Variants in MYO1E observed in about 807,000 individuals in gnomAD.
MYO1E encodes the protein myosin IE.
In MYO1E, 68 loss-of-function variants were observed where a neutral mutation model predicts 151.1. The observed-to-expected ratio is 0.45, with a 90% CI of 0.37 to 0.55. The LOEUF is 0.55. Among genes scored for constraint, MYO1E ranks in the 20% least tolerant of loss-of-function variants. MYO1E has a pLI of 0.00. For missense variants in MYO1E, 1,363 were observed against 1,389.3 expected, an observed-to-expected ratio of 0.98 and a Z score of 0.30; for synonymous variants, 601 against 501.7, an observed-to-expected ratio of 1.20 and a Z score of -2.64.
chr15:59,362,102 G>A (rs1487817445), intron 1 of MYO1E, among the ~76,000 whole-genome samples: 1 of 152,058 alleles, frequency 6.6e-6, no homozygotes, highest in African/African-American at 2.4e-5. Context: ...CTTCCAAAGT[G>A]CTAGGATTAC....
At chr15:59,234,140 T>A (rs1233075013) in intron 5 of MYO1E, among the ~76,000 whole-genome samples, 1 of 152,126 alleles carries the variant, frequency 6.6e-6, no homozygotes, top group Non-Finnish European at 1.5e-5. Flanking sequence ...TCTGCAACCT[T>A]AGTTTGCTCT....
At chr15:59,352,708 G>A (rs10851650) in intron 1 of MYO1E, among the ~76,000 whole-genome samples, 138,572 of 152,244 alleles carry the variant, frequency 0.91, 64,444 homozygotes, top group East Asian at 1. Flanking sequence ...CTTAGTAATC[G>A]CTAGTTCCAA....
Position 59,316,071 on chromosome 15 carries a change from G to C in MYO1E, c.4-43622C>G, listed in dbSNP as rs774709731. On this transcript the variant is annotated intron_variant, in intron 1 of 27. Transcript: ENST00000288235. The stretch of plus-strand genomic sequence containing the variant: ...GAAGGAGCCTGAGCAGCAGGAGACA[G>C]AGCAAGTAAGGAAAGGGCAGCTGTC... Among the ~76,000 whole-genome samples the C allele has an allele frequency of 3.9e-5, 6 of 152,058 alleles. No homozygotes were observed. In the East Asian group the frequency reaches 5.8e-4, roughly 15 times the overall value.
chr15:59,251,650 C>G (rs1231474526), intron 4 of MYO1E, among the ~76,000 whole-genome samples: 1 of 152,256 alleles, frequency 6.6e-6, no homozygotes, highest in East Asian at 1.9e-4. Flanking sequence ...GTCATGAAGT[C>G]TATATTTACC....
rs768505368 is a variant in MYO1E at position 59,178,514 on chromosome 15, G to A, written c.1928C>T (p.Thr643Ile). Reference protein sequence around the residue: ...LQRYAILTKATWPSWQGEEKQ... With the variant: ...LQRYAILTKAIWPSWQGEEKQ... ...CTCCTCTCCCTGCCAAGAAGGCCAG[G>A]TGGCTTTGGTCAGAATGGCATACCT... Residue 643 changes from threonine to isoleucine, a missense_variant, in exon 19 of 28, where the codon ACC (threonine) becomes ATC (isoleucine). By Grantham distance (89) the Thr-to-Ile change is moderately conservative. Transcript: ENST00000288235. The A allele has an allele frequency of 6.2e-7, 1 of 1,614,222 alleles. No homozygotes were observed. Among genetic ancestry groups the A allele is most frequent in the Non-Finnish European group, 8.5e-7 (1 of 1,180,032 alleles).
intron 26 of MYO1E, among the ~76,000 whole-genome samples, chr15:59,140,670 C>G (rs2079403662): frequency 6.6e-6 from 1 of 152,148 alleles, no homozygotes; most frequent in Non-Finnish European, 1.5e-5. Flanking sequence ...CCACAGCCTG[C>G]TGGCCTTGCC....
intron 4 of MYO1E, among the ~76,000 whole-genome samples, chr15:59,246,730 G>A (rs753648128): frequency 1.3e-5 from 2 of 152,146 alleles, no homozygotes; most frequent in African/African-American, 2.4e-5. Context: ...GGGGAAGACT[G>A]AGCTCTGGCC....
At chr15:59,326,690 C>A (rs7163858) in intron 1 of MYO1E, among the ~76,000 whole-genome samples, 2 of 152,116 alleles carry the variant, frequency 1.3e-5, no homozygotes, top group African/African-American at 4.8e-5. Flanking sequence ...TTTACCATTC[C>A]ATTTTTGTCT....
At chr15:59,167,740 G>A (rs1343029316) in intron 22 of MYO1E, among the ~76,000 whole-genome samples, 1 of 152,156 alleles carries the variant, frequency 6.6e-6, no homozygotes, top group Non-Finnish European at 1.5e-5. Flanking sequence ...GCAGTGGTGT[G>A]ATCTTGGCTC....
intron 1 of MYO1E, among the ~76,000 whole-genome samples, chr15:59,351,053 C>T (rs770288824): frequency 4.6e-5 from 7 of 152,162 alleles, no homozygotes; most frequent in Admixed American, 2.0e-4. Context: ...TCCACCACCA[C>T]GCCCAGCTAA....
At chr15:59,153,200 T>G (rs17302205) in intron 26 of MYO1E, among the ~76,000 whole-genome samples, 1,584 of 152,310 alleles carry the variant, frequency 0.01, 21 homozygotes, top group East Asian at 0.067. Flanking sequence ...GATGTTATGC[T>G]TAATGTTGCT....
chr15:59,174,595 C>A (rs1293316124), intron 19 of MYO1E, among the ~76,000 whole-genome samples: 1 of 152,136 alleles, frequency 6.6e-6, no homozygotes, highest in Admixed American at 6.6e-5. Flanking sequence ...ATTAGGAAGT[C>A]AGATCAAGTG....
Position 59,135,654 on chromosome 15 carries a change from C to T in MYO1E, c.*1726G>A, listed in dbSNP as rs1473778214. ...TTTGCTCCCTGTTCTTGAAGTAAAA[C>T]ACAGCAGAATTAAATGTATCTTCGT... On this transcript the variant is annotated 3_prime_UTR_variant, in exon 28 of 28. Transcript: ENST00000288235. 6.6e-6 allele frequency: 1 copy of T among 152,194 alleles called. No homozygotes were observed. The highest frequency in any genetic ancestry group is 1.5e-5 in the Non-Finnish European group (1 of 68,030). 9.4% of individuals were successfully genotyped at this position (152,194 alleles called of 1,614,324 possible).
intron 8 of MYO1E, 139 bp from the exon 9 acceptor site, chr15:59,223,330 A>G: frequency 9.6e-7 from 1 of 1,041,766 alleles, no homozygotes; most frequent in Non-Finnish European, 1.4e-6. Flanking sequence ...AAAAAAAAAA[A>G]AGCCAAAACA....
intron 4 of MYO1E, among the ~76,000 whole-genome samples, chr15:59,254,633 T>G (rs1356803213): frequency 1.3e-5 from 2 of 152,154 alleles, no homozygotes; most frequent in African/African-American, 2.4e-5. Context: ...ATTCTACTAT[T>G]CTTTCTCATT....
chr15:59,340,399 T>C (rs139804357), intron 1 of MYO1E, among the ~76,000 whole-genome samples: 2,960 of 152,234 alleles, frequency 0.019, 47 homozygotes, highest in Non-Finnish European at 0.027. Flanking sequence ...TGAGGTTCTA[T>C]TTCCGTGATG....
chr15:59,203,743 G>C (rs933461696), intron 15 of MYO1E, among the ~76,000 whole-genome samples: 8 of 152,194 alleles, frequency 5.3e-5, no homozygotes, highest in African/African-American at 1.9e-4. Context: ...TAGCAACAGG[G>C]CAGGGACAAT....
intron 26 of MYO1E, among the ~76,000 whole-genome samples, chr15:59,144,193 G>T (rs950955930): frequency 6.6e-6 from 1 of 151,800 alleles, no homozygotes; most frequent in Non-Finnish European, 1.5e-5. Context: ...TTGAGACTGA[G>T]TCTCACTCTA....
chr15:59,216,697 C>T (rs868266271), intron 10 of MYO1E, among the ~76,000 whole-genome samples: 914 of 40,508 alleles, frequency 0.023, 5 homozygotes, highest in Non-Finnish European at 0.035. Context: ...CACATACACA[C>T]ACACACACAC....
Sources: gnomAD v4.1 joint callset for allele counts (sites outside exome capture counted in the v4.1 genomes callset) on GRCh38, gnomAD v4.1.1 for gene constraint, MANE v1.5 for transcripts, NCBI Gene and HGNC (gene_info 2026-07-23, HGNC 2026-07-21) for gene names.